The following DNAJA3 variants were observed in gnomAD, a reference collection of about 807,000 sequenced individuals.
The protein encoded by DNAJA3 is DnaJ heat shock protein family (Hsp40) member A3.
In DNAJA3, 29 loss-of-function variants were observed where a neutral mutation model predicts 54.9. The ratio of observed to expected loss-of-function variants is 0.53; its 90% confidence interval spans 0.39 to 0.72. The LOEUF (loss-of-function observed/expected upper bound fraction) is 0.72. DNAJA3 is among the 30% of genes least tolerant of loss of function. The probability of loss-of-function intolerance (pLI) is 0.00; values close to 1 mark genes in which losing one functional copy is unlikely to be tolerated. For missense variants in DNAJA3, 708 were observed against 639.4 expected (o/e 1.11, Z -1.16); for synonymous variants, 302 against 251.4 (o/e 1.20, Z -1.90).
At chr16:4,431,542 T>G (rs2056700896) in intron 1 of DNAJA3, 1 of 152,146 alleles carries the variant, frequency 6.6e-6, no homozygotes, top group African/African-American at 2.4e-5. Flanking sequence ...TTTGTGCTGA[T>G]TAACTTCGAG....
At chr16:4,426,498 C>T (rs2056625115) in intron 1 of DNAJA3, among the ~76,000 whole-genome samples, 3 of 152,226 alleles carry the variant, frequency 2.0e-5, no homozygotes, top group African/African-American at 7.2e-5. Flanking sequence ...CCGTCATCAC[C>T]ATTTTAAAGA....
Position 4,454,832 on chromosome 16 carries a change from C to G in DNAJA3, c.1361C>G (p.Ser454Cys), listed in dbSNP as rs762795261. ...TSSGGSTMDS[S>C]AGSKARREAG... is the part of the protein sequence containing the mutation. The stretch of plus-strand genomic sequence containing the variant: ...CCAGGTGGCAGCACCATGGATAGCT[C>G]CGCAGGAAGCAAGGCTAGGCGTGAG... Residue 454 changes from serine (S) to cysteine (C), a missense_variant, in exon 11 of 12, where the codon TCC becomes TGC. Transcript: ENST00000262375. The G allele has an allele frequency of 1.9e-6, 3 of 1,613,982 alleles. No individual in the cohort carries two copies. Among genetic ancestry groups the G allele is most frequent in the Non-Finnish European group, 2.5e-6 (3 of 1,179,914 alleles).
intron 6 of DNAJA3, 123 bp from the exon 7 acceptor site, chr16:4,444,541 G>A (rs2056879080): frequency 4.1e-6 from 3 of 727,216 alleles, no homozygotes; most frequent in African/African-American, 3.5e-5. Context: ...TCACCATGTT[G>A]GCCAGGATGG....
At position 4,426,026 on chromosome 16, in the gene DNAJA3, G is replaced by A. The variant is rs771592459; in HGVS notation, c.145G>A (p.Ala49Thr). 43 of 1,608,500 alleles carry A rather than the reference G, an allele frequency of 2.7e-5. No homozygotes were observed. The highest frequency in any genetic ancestry group is 3.5e-5 in the Non-Finnish European group (41 of 1,178,014). The change falls in exon 1 of 12, where the codon GCG becomes ACG. Residue 49 changes from alanine (A) to threonine (T), a missense_variant. By Grantham distance (58) the Ala-to-Thr change is moderately conservative. Transcript: ENST00000262375. ...CCGCAAGCTGAGCGTCCCCGCCTTT[G>A]CGTCTTCCCTGACCTCTTGCGGCCC... ...LSRKLSVPAFASSLTSCGPRA... is the reference protein window; with the variant it reads ...LSRKLSVPAFTSSLTSCGPRA...
intron 1 of DNAJA3, among the ~76,000 whole-genome samples, chr16:4,426,664 G>C (rs927230923): frequency 6.6e-6 from 1 of 152,204 alleles, no homozygotes; most frequent in Non-Finnish European, 1.5e-5. Flanking sequence ...CTTTTTAGAA[G>C]TCTTTAGTTG....
chr16:4,427,231 C>T (rs546974881), intron 1 of DNAJA3: 4 of 152,252 alleles, frequency 2.6e-5, no homozygotes, highest in African/African-American at 9.6e-5. Context: ...GCCTTCTTTT[C>T]TTATGCCGTG....
At chr16:4,428,392 A>G (rs538974089) in intron 1 of DNAJA3, among the ~76,000 whole-genome samples, 1 of 152,328 alleles carries the variant, frequency 6.6e-6, no homozygotes, top group Non-Finnish European at 1.5e-5. Context: ...AACATGAGCA[A>G]AAGTGGCCAT....
At chr16:4,450,588 C>T (rs1227612036) in intron 10 of DNAJA3, 91 bp downstream of exon 10, 1 of 971,836 alleles carries the variant, frequency 1.0e-6, no homozygotes, top group East Asian at 2.8e-5. Context: ...GGGGTTTCCA[C>T]TTCGGGTTCT....
chr16:4,446,795 C>T (rs1221537927), intron 7 of DNAJA3, 91 bp from the exon 8 acceptor site: 1 of 1,515,030 alleles, frequency 6.6e-7, no homozygotes, highest in Non-Finnish European at 9.0e-7. Flanking sequence ...TGTAGTTTGT[C>T]AGGTCTGAGC....
At chr16:4,455,015 C>A in intron 11 of DNAJA3, 88 bp downstream of exon 11, 1 of 915,908 alleles carries the variant, frequency 1.1e-6, no homozygotes, top group Non-Finnish European at 1.7e-6. Context: ...TATTGTGCCC[C>A]CACCCCCAGG....
At chr16:4,426,271 C>G (rs1013888482) in intron 1 of DNAJA3, among the ~76,000 whole-genome samples, 179 bp downstream of exon 1, 1 of 152,190 alleles carries the variant, frequency 6.6e-6, no homozygotes, top group African/African-American at 2.4e-5. Context: ...GCTCAGCCGT[C>G]AAGGAAGGGA....
chr16:4,432,446 G>A (rs148782730), intron 1 of DNAJA3, among the ~76,000 whole-genome samples: 2,761 of 150,986 alleles, frequency 0.018, 34 homozygotes, highest in Middle Eastern at 0.069. Flanking sequence ...AGGTTCAAGC[G>A]ATTCTCTTGC....
At chr16:4,436,822 C>CACT (rs2056777688) in intron 2 of DNAJA3, among the ~76,000 whole-genome samples, 1 of 152,234 alleles carries the variant, frequency 6.6e-6, no homozygotes, top group Non-Finnish European at 1.5e-5. Context: ...AGGCATGAGC[C>CACT]ACTGCGCCCG....
At chr16:4,444,413 G>A (rs560932862) in intron 6 of DNAJA3, among the ~76,000 whole-genome samples, 5 of 149,870 alleles carry the variant, frequency 3.3e-5, no homozygotes, top group African/African-American at 7.4e-5. Flanking sequence ...GAGTGATCTC[G>A]GCTCACTGCA....
chr16:4,451,494 T>C (rs1315754933), intron 10 of DNAJA3, among the ~76,000 whole-genome samples: 3 of 151,824 alleles, frequency 2.0e-5, no homozygotes, highest in Non-Finnish European at 4.4e-5. Context: ...CAGTGGCTCT[T>C]GCCTGTAATC....
At chr16:4,450,316 T>A (rs2056961900) in intron 9 of DNAJA3, 84 bp from the exon 10 acceptor site, 2 of 1,139,288 alleles carry the variant, frequency 1.8e-6, no homozygotes, top group Admixed American at 4.3e-5. Flanking sequence ...TCTTCCCATG[T>A]GCTGCGAGGG....
chr16:4,441,316 T>G, intron 3 of DNAJA3, 59 bp from the exon 4 acceptor site: 1 of 1,485,766 alleles, frequency 6.7e-7, no homozygotes, highest in South Asian at 1.2e-5. Flanking sequence ...TGAACTCTTG[T>G]CTGTATTCCT....
At position 4,455,529 on chromosome 16, in the gene DNAJA3, C is replaced by T. The variant is rs2057025969; in HGVS notation, c.*14-17C>T. On this transcript the variant is annotated splice_polypyrimidine_tract_variant and intron_variant, in intron 11 of 11. Transcript: ENST00000262375. ...GAAATGTTGAGTATAAGGTAACAGC[C>T]TATCTCTTTGGCTCAGGAAAAAGAT... The T allele has an allele frequency of 1.3e-6, 2 of 1,551,660 alleles. No homozygotes were observed. The highest frequency in any genetic ancestry group is 3.9e-5 in the Admixed American group (2 of 50,966).
rs1316150235 is a variant in DNAJA3, at chr16:4,448,776, G to A, written c.1169G>A (p.Gly390Glu). The A allele has an allele frequency of 3.7e-6, 6 of 1,614,124 alleles. 1 individual carries two copies. In the South Asian group the frequency reaches 6.6e-5, roughly 18 times the overall value. Residue 390 changes from glycine to glutamate, a missense_variant, in exon 9 of 12, where the codon GGG (glycine) becomes GAG (glutamate). Physicochemically the swap from Gly to Glu is moderately conservative, Grantham distance 98 (BLOSUM62 -2). Transcript: ENST00000262375. ...ACAGACCAGAAGATTCGGATGGGTG[G>A]GAAAGGCATCCCCCGGATTAACAGC... ...TQTDQKIRMG[G>E]KGIPRINSYG...
Sources: gnomAD v4.1 joint callset for allele counts (sites outside exome capture counted in the v4.1 genomes callset) on GRCh38, gnomAD v4.1.1 for gene constraint, MANE v1.5 for transcripts, NCBI Gene and HGNC (gene_info 2026-07-23, HGNC 2026-07-21) for gene names.